Variants in TBC1D4 observed in about 807,000 individuals in gnomAD.
TBC1D4 encodes the protein TBC1 domain family member 4, also known as TBC (Tre-2, BUB2, CDC16) domain-containing protein.
A neutral mutation model predicts 142.5 loss-of-function variants in TBC1D4; 121 were observed. The observed-to-expected ratio is 0.85, with a 90% confidence interval of 0.73 to 0.99. TBC1D4 has a LOEUF of 0.99. TBC1D4 is among the 50% of genes least tolerant of loss of function. The pLI is 0.00. For synonymous variants in TBC1D4, 630 were observed against 628.2 expected, an observed-to-expected ratio of 1.00 and a Z score of -0.04; for missense variants, 1,475 against 1,606.6, an observed-to-expected ratio of 0.92 and a Z score of 1.40.
chr13:75,317,498 A>C (rs956149898), intron 12 of TBC1D4, among the ~76,000 whole-genome samples: 4 of 152,234 alleles, frequency 2.6e-5, no homozygotes, highest in Non-Finnish European at 4.4e-5. Flanking sequence ...AAATAAAAAA[A>C]CACCTAAATA....
chr13:75,296,552 A>G (rs1875948197), intron 17 of TBC1D4, among the ~76,000 whole-genome samples: 1 of 152,218 alleles, frequency 6.6e-6, no homozygotes, highest in East Asian at 1.9e-4. Flanking sequence ...TAAGAACACA[A>G]TTCAGGCTTC....
At chr13:75,329,186 T>C (rs1879532618) in intron 8 of TBC1D4, among the ~76,000 whole-genome samples, 1 of 152,094 alleles carries the variant, frequency 6.6e-6, no homozygotes, top group African/African-American at 2.4e-5. Context: ...AAATCAGTAC[T>C]TTGTGCTTAG....
chr13:75,365,204 AAGATG>A (rs1882835321), intron 1 of TBC1D4, among the ~76,000 whole-genome samples: 2 of 152,228 alleles, frequency 1.3e-5, no homozygotes, highest in Admixed American at 1.3e-4. Flanking sequence ...TTAATAATTT[AAGATG>A]CTAATATTAC....
chr13:75,371,653 G>A (rs887440741), intron 1 of TBC1D4, among the ~76,000 whole-genome samples: 5 of 152,188 alleles, frequency 3.3e-5, no homozygotes, highest in Admixed American at 2.0e-4. Flanking sequence ...CAAGCTTCCT[G>A]TGTTCTCTGG....
At chr13:75,437,274 T>C (rs1886837631) in intron 1 of TBC1D4, among the ~76,000 whole-genome samples, 1 of 152,192 alleles carries the variant, frequency 6.6e-6, no homozygotes, top group African/African-American at 2.4e-5. Flanking sequence ...GTGTCCTTGA[T>C]TTCAGGAAAA....
intron 1 of TBC1D4, chr13:75,375,921 T>C (rs762291727): frequency 1.3e-5 from 2 of 152,084 alleles, no homozygotes; most frequent in African/African-American, 4.8e-5. Context: ...TGACTCTAGA[T>C]AGCCATTTAC....
intron 1 of TBC1D4, among the ~76,000 whole-genome samples, chr13:75,425,755 A>G (rs1405490517): frequency 2.0e-5 from 3 of 151,976 alleles, no homozygotes; most frequent in Non-Finnish European, 4.4e-5. Flanking sequence ...TGTGAAATCT[A>G]AAAAAAATTA....
intron 1 of TBC1D4, among the ~76,000 whole-genome samples, chr13:75,379,125 C>T (rs936962210): frequency 1.3e-5 from 2 of 151,996 alleles, no homozygotes; most frequent in African/African-American, 4.8e-5. Context: ...TCAGAAACTT[C>T]TACAAAGATC....
intron 1 of TBC1D4, among the ~76,000 whole-genome samples, chr13:75,433,594 T>C (rs1377781717): frequency 6.6e-6 from 1 of 152,214 alleles, no homozygotes; most frequent in African/African-American, 2.4e-5. Context: ...GAGGCAGCCC[T>C]TTCCTAACGT....
In TBC1D4 at chr13:75,299,504, G is replaced by A; in HGVS notation, c.2982C>T (p.Leu994=). Residue 994 remains leucine (L), a synonymous_variant, in exon 17 of 21, where the codon CTC becomes CTT. Coordinates refer to ENST00000377636, the MANE Select transcript of TBC1D4 (RefSeq NM_014832.5). Reference sequence around the variant, plus strand: ...TGTCCAGCAAAGAATAGGCTTTCAGGAGGTTAAACAGTGACAGCTGTCCTG... The same window carrying A: ...TGTCCAGCAAAGAATAGGCTTTCAGAAGGTTAAACAGTGACAGCTGTCCTG... ...LGPGQLSLFN[L]LKAYSLLDKE... is the part of the protein sequence containing the mutation. 6.2e-7 allele frequency: 1 copy of A among 1,614,182 alleles called. No homozygotes were observed. Among genetic ancestry groups the A allele is most frequent in the Non-Finnish European group, 8.5e-7 (1 of 1,180,030 alleles).
At chr13:75,365,652 A>G (rs1333676202) in intron 1 of TBC1D4, among the ~76,000 whole-genome samples, 1 of 152,230 alleles carries the variant, frequency 6.6e-6, no homozygotes, top group African/African-American at 2.4e-5. Context: ...ATACATTTAC[A>G]AATATTGTTG....
At chr13:75,381,952 A>G (rs1217327938) in intron 1 of TBC1D4, among the ~76,000 whole-genome samples, 1 of 152,246 alleles carries the variant, frequency 6.6e-6, no homozygotes, top group Admixed American at 6.5e-5. Flanking sequence ...AATATACTAG[A>G]GACACAACAT....
intron 1 of TBC1D4, among the ~76,000 whole-genome samples, chr13:75,402,575 A>C (rs1253342829): frequency 6.6e-6 from 1 of 151,576 alleles, no homozygotes; most frequent in Non-Finnish European, 1.5e-5. Flanking sequence ...TGTCTACCCC[A>C]ATCTATACAT....
intron 1 of TBC1D4, among the ~76,000 whole-genome samples, chr13:75,410,171 T>A (rs988578594): frequency 6.6e-6 from 1 of 152,292 alleles, no homozygotes; most frequent in African/African-American, 2.4e-5. Context: ...TACCTATAAT[T>A]ACTATGTTTG....
intron 1 of TBC1D4, among the ~76,000 whole-genome samples, chr13:75,446,854 A>G (rs1887306454): frequency 6.6e-6 from 1 of 151,970 alleles, no homozygotes; most frequent in African/African-American, 2.4e-5. Context: ...TTTTTTTAAC[A>G]AACAGGTGAA....
At chr13:75,372,862 A>G (rs2138218063) in intron 1 of TBC1D4, among the ~76,000 whole-genome samples, 1 of 152,360 alleles carries the variant, frequency 6.6e-6, no homozygotes, top group African/African-American at 2.4e-5. Context: ...GAATACAGCA[A>G]AATCAGGACT....
chr13:75,360,004 C>A (rs1593788310), intron 2 of TBC1D4, 146 bp from the exon 3 acceptor site: 1 of 678,640 alleles, frequency 1.5e-6, no homozygotes, highest in Non-Finnish European at 2.5e-6. Flanking sequence ...CTAATCCAAC[C>A]AATATTTTTA....
intron 1 of TBC1D4, among the ~76,000 whole-genome samples, chr13:75,455,823 AC>A: frequency 6.6e-6 from 1 of 152,124 alleles, no homozygotes; most frequent in Non-Finnish European, 1.5e-5. Flanking sequence ...ATGTGGACCT[AC>A]CCCAAAAGCC....
chr13:75,452,792 T>G (rs1015142332), intron 1 of TBC1D4, among the ~76,000 whole-genome samples: 2 of 152,170 alleles, frequency 1.3e-5, no homozygotes, highest in Admixed American at 6.5e-5. Flanking sequence ...AGGAGAGAGA[T>G]AACAATTTTA....
Sources: gnomAD v4.1 joint callset for allele counts (sites outside exome capture counted in the v4.1 genomes callset) on GRCh38, gnomAD v4.1.1 for gene constraint, MANE v1.5 for transcripts, NCBI Gene and HGNC (gene_info 2026-07-23, HGNC 2026-07-21) for gene names.